SVIL: variants seen among roughly 807,000 people sequenced by gnomAD.
SVIL encodes the protein archvillin.
A neutral mutation model predicts 240.4 loss-of-function variants in SVIL; 101 were observed. The ratio of observed to expected loss-of-function variants is 0.42; its 90% CI spans 0.36 to 0.50. The LOEUF is 0.50. Among genes scored for constraint, SVIL ranks in the 20% least tolerant of loss-of-function variants. SVIL has a pLI of 0.01. For missense variants in SVIL, 2,512 were observed against 2,818.7 expected, an observed-to-expected ratio of 0.89 and a Z score of 2.46; for synonymous variants, 999 against 1,100.0, an observed-to-expected ratio of 0.91 and a Z score of 1.82.
At chr10:29,581,484 T>C (rs1410986301) in intron 1 of SVIL, among the ~76,000 whole-genome samples, 1 of 152,214 alleles carries the variant, frequency 6.6e-6, no homozygotes, top group Non-Finnish European at 1.5e-5. Context: ...ACAGACCACA[T>C]AGGTGGAGAT....
chr10:29,567,832 C>T (rs28719139), intron 2 of SVIL, among the ~76,000 whole-genome samples: 9,261 of 151,940 alleles, frequency 0.061, 354 homozygotes, highest in Admixed American at 0.12. Context: ...CTGGCTAACA[C>T]GGTGAAACCC....
At chr10:29,691,241 T>G (rs969814654) in intron 1 of SVIL, among the ~76,000 whole-genome samples, 2 of 151,106 alleles carry the variant, frequency 1.3e-5, no homozygotes, top group Non-Finnish European at 2.9e-5. Context: ...AGACGGAGTC[T>G]CACTCTGTCG....
intron 1 of SVIL, among the ~76,000 whole-genome samples, chr10:29,693,989 A>G (rs952016364): frequency 6.6e-6 from 1 of 152,100 alleles, no homozygotes; most frequent in Non-Finnish European, 1.5e-5. Flanking sequence ...ACATAGATAA[A>G]ATTGCAATTC....
intron 1 of SVIL, among the ~76,000 whole-genome samples, chr10:29,580,122 A>G (rs1456181944): frequency 1.3e-5 from 2 of 151,844 alleles, no homozygotes; most frequent in Non-Finnish European, 2.9e-5. Context: ...TGAAGCCAGG[A>G]GTTCGAGAGC....
intron 3 of SVIL, among the ~76,000 whole-genome samples, chr10:29,646,896 G>A (rs981780509): frequency 1.3e-4 from 20 of 152,268 alleles, no homozygotes; most frequent in African/African-American, 4.6e-4. Flanking sequence ...TGGCCATACT[G>A]AGGCAAATTC....
At chr10:29,719,229 C>T (rs538866540) in intron 1 of SVIL, among the ~76,000 whole-genome samples, 24 of 152,236 alleles carry the variant, frequency 1.6e-4, no homozygotes, top group Non-Finnish European at 7.4e-5. Context: ...GAAATCAGAC[C>T]TTGGTGATGA....
At chr10:29,726,018 C>T (rs1032234510) in intron 1 of SVIL, among the ~76,000 whole-genome samples, 2 of 152,136 alleles carry the variant, frequency 1.3e-5, no homozygotes, top group Non-Finnish European at 2.9e-5. Context: ...ACATCATGGG[C>T]TTATGTGATC....
chr10:29,560,782 G>C (rs1237260438), intron 3 of SVIL, among the ~76,000 whole-genome samples: 1 of 151,528 alleles, frequency 6.6e-6, no homozygotes. Flanking sequence ...AAAAAGCAAA[G>C]ATATGTGAAA....
intron 6 of SVIL, among the ~76,000 whole-genome samples, chr10:29,545,874 A>G (rs920462535): frequency 2.8e-4 from 42 of 150,914 alleles, no homozygotes; most frequent in African/African-American, 7.3e-4. Flanking sequence ...AAAAAAAAAA[A>G]AAAAAGAAAA....
Position 29,543,090 on chromosome 10 carries a change from G to A in SVIL, c.828-7021C>T, listed in dbSNP as rs140787132. On this transcript the variant is annotated intron_variant, in intron 6 of 37. Transcript: ENST00000355867. ...TCCCAGTTTCTATTAGCCCATTTAT[G>A]CCTAGTGTTCCATTATTGGAATGCT... Among the ~76,000 whole-genome samples the A allele has an allele frequency of 1.4e-3, 209 of 152,304 alleles. 1 individual carries two copies. The highest frequency in any genetic ancestry group is 4.9e-3 in the African/African-American group (202 of 41,562).
At chr10:29,501,846 T>C (rs1337484826) in intron 17 of SVIL, among the ~76,000 whole-genome samples, 3 of 152,204 alleles carry the variant, frequency 2.0e-5, no homozygotes, top group African/African-American at 4.8e-5. Flanking sequence ...GCCAAGAAAG[T>C]TGGCGTCTCC....
chr10:29,535,996 G>C lies in SVIL; in HGVS notation c.901C>G (p.Pro301Ala), dbSNP rs765434019. 5.2e-5 allele frequency: 84 copies of C among 1,614,056 alleles called. No homozygotes were observed. Among genetic ancestry groups the C allele is most frequent in the Non-Finnish European group, 6.3e-5 (74 of 1,180,024 alleles). ...EGDTPSLINW[P>A]SRVKVREKLV... is the part of the protein sequence containing the mutation. ...GGGCCGGCGTGCGGGTACCTGGAAGGCCAGTTGATAAGTGAAGGTGTGTCC... is the reference window on the plus strand; with the variant it reads ...GGGCCGGCGTGCGGGTACCTGGAAGCCCAGTTGATAAGTGAAGGTGTGTCC... Residue 301 changes from proline (P) to alanine (A), a missense_variant, in exon 7 of 38, where the codon CCT (proline) becomes GCT (alanine). Transcript: ENST00000355867.
intron 1 of SVIL, among the ~76,000 whole-genome samples, chr10:29,713,522 G>A (rs1442823775): frequency 1.3e-5 from 2 of 152,088 alleles, no homozygotes; most frequent in African/African-American, 4.8e-5. Flanking sequence ...CTGTGTGTAG[G>A]AGTCAGCAAA....
Position 29,531,193 on chromosome 10 carries a change from A to G in SVIL, c.2044+61T>C, listed in dbSNP as rs369422313. 6.1e-4 allele frequency: 949 copies of G among 1,550,012 alleles called. 1 individual carries two copies. Among genetic ancestry groups the G allele is most frequent in the Admixed American group, 8.2e-4 (45 of 54,708 alleles). ...ACTCTCTCAAAAAGCCAAAAACCTTATTATTAAATCCAGTCTAGATGAGAT... is the reference window on the plus strand; with the variant it reads ...ACTCTCTCAAAAAGCCAAAAACCTTGTTATTAAATCCAGTCTAGATGAGAT... On this transcript the variant is annotated intron_variant, in intron 10 of 37. Transcript: ENST00000355867.
intron 1 of SVIL, among the ~76,000 whole-genome samples, chr10:29,585,420 C>T (rs939531494): frequency 6.6e-6 from 1 of 152,086 alleles, no homozygotes; most frequent in Non-Finnish European, 1.5e-5. Context: ...GAATTCCTGG[C>T]CTCAAGAATC....
chr10:29,550,997 G>T lies in SVIL; in HGVS notation c.427C>A (p.Pro143Thr), dbSNP rs1460459508. The change falls in exon 6 of 38, where the codon CCT becomes ACT. Residue 143 changes from proline (P) to threonine (T), a missense_variant. By Grantham distance (38) the Pro-to-Thr change is conservative. Coordinates refer to ENST00000355867, the MANE Select transcript of SVIL (RefSeq NM_021738.3). ...CCTCCCCGCTTCTCGACAGCATCAG[G>T]CTCCTTCCTGGACTTGGTATAGCGG... ...LSRYTKSRKEPDAVEKRGGKS... is the reference protein window; with the variant it reads ...LSRYTKSRKETDAVEKRGGKS... 6.2e-7 allele frequency: 1 copy of T among 1,613,954 alleles called. No homozygotes were observed. Among genetic ancestry groups the T allele is most frequent in the South Asian group, 1.1e-5 (1 of 91,076 alleles).
intron 16 of SVIL, among the ~76,000 whole-genome samples, chr10:29,514,351 C>T (rs558301614): frequency 6.6e-6 from 1 of 151,468 alleles, no homozygotes; most frequent in African/African-American, 2.4e-5. Flanking sequence ...ACAATCCTGC[C>T]TCGGCCTCCA....
chr10:29,501,703 G>C (rs1231769072), intron 17 of SVIL, among the ~76,000 whole-genome samples: 1 of 152,090 alleles, frequency 6.6e-6, no homozygotes, highest in Admixed American at 6.6e-5. Flanking sequence ...AAACGATGAG[G>C]TTCACTTGCC....
upstream of SVIL, among the ~76,000 whole-genome samples, chr10:29,638,277 C>T (rs575278498): frequency 9.2e-5 from 14 of 152,088 alleles, no homozygotes; most frequent in East Asian, 1.9e-3. Context: ...TCCTAGCCAA[C>T]GTGGTGAAAC....
Sources: gnomAD v4.1 joint callset for allele counts (sites outside exome capture counted in the v4.1 genomes callset) on GRCh38, gnomAD v4.1.1 for gene constraint, MANE v1.5 for transcripts, NCBI Gene and HGNC (gene_info 2026-07-23, HGNC 2026-07-21) for gene names.